STXBP5: variants seen among roughly 807,000 people sequenced by gnomAD.
The protein encoded by STXBP5 is syntaxin-binding protein 5.
In STXBP5, 50 loss-of-function variants were observed where a neutral mutation model predicts 152.4. That is an observed-to-expected ratio of 0.33 (90% CI 0.26 to 0.42). The LOEUF is 0.42. Among genes scored for constraint, STXBP5 ranks in the 10% least tolerant of loss-of-function variants. The pLI, the probability that STXBP5 is intolerant of heterozygous loss-of-function variation, is 1.00. For synonymous variants in STXBP5, 492 were observed against 494.7 expected (o/e 0.99, Z 0.07); for missense variants, 1,167 against 1,388.6 (o/e 0.84, Z 2.54).
chr6:147,231,062 GT>G (rs1777980866), intron 2 of STXBP5, among the ~76,000 whole-genome samples: 1 of 151,586 alleles, frequency 6.6e-6, no homozygotes, highest in South Asian at 2.1e-4. Context: ...AGTGACGCTT[GT>G]TTTGAATTTG....
intron 2 of STXBP5, among the ~76,000 whole-genome samples, chr6:147,228,054 TA>T (rs1263852315): frequency 1.3e-5 from 2 of 152,134 alleles, no homozygotes; most frequent in Non-Finnish European, 2.9e-5. Context: ...CAGTGTTGTT[TA>T]TGTCAACTGT....
At chr6:147,292,757 A>C (rs1470523276) in intron 9 of STXBP5, 2 of 152,340 alleles carry the variant, frequency 1.3e-5, no homozygotes, top group African/African-American at 4.8e-5. Context: ...TTGACTGGCA[A>C]CAAAGGCAGC....
chr6:147,255,154 A>G (rs1294913347), intron 4 of STXBP5, among the ~76,000 whole-genome samples: 1 of 152,236 alleles, frequency 6.6e-6, no homozygotes, highest in Non-Finnish European at 1.5e-5. Flanking sequence ...GGATGAGATC[A>G]TGTCCTTTGC....
At position 147,386,355 on chromosome 6, in the gene STXBP5, T is replaced by C. The variant is rs1049857855; in HGVS notation, c.*1600T>C. The stretch of plus-strand genomic sequence containing the variant: ...ATTCTATATGATCATTAAAGGAATA[T>C]GTAGGACATCTTAACTTTTTCATAC... On this transcript the variant is annotated 3_prime_UTR_variant, in exon 28 of 28. Transcript: ENST00000321680. 2 of 151,858 alleles carry C rather than the reference T, an allele frequency of 1.3e-5. No homozygotes were observed. Among genetic ancestry groups the C allele is most frequent in the Non-Finnish European group, 2.9e-5 (2 of 67,836 alleles). The allele number at this position is 151,858 out of a possible 1,614,324, so 9.4% of individuals were successfully genotyped here.
chr6:147,273,195 T>TAAAAAAA (rs61153710), intron 7 of STXBP5, among the ~76,000 whole-genome samples: 4 of 129,318 alleles, frequency 3.1e-5, no homozygotes, highest in Admixed American at 1.6e-4. Flanking sequence ...TCTAAAAAAG[T>TAAAAAAA]AAAAAAAAAA....
At chr6:147,223,234 C>G (rs865896713) in intron 2 of STXBP5, among the ~76,000 whole-genome samples, 25 of 152,314 alleles carry the variant, frequency 1.6e-4, no homozygotes, top group Middle Eastern at 3.4e-3. Context: ...GTAGGTGCAA[C>G]TATGGAATGG....
chr6:147,356,445 TAAAG>T (rs1485911505), intron 22 of STXBP5, among the ~76,000 whole-genome samples: 2 of 151,780 alleles, frequency 1.3e-5, no homozygotes, highest in Non-Finnish European at 2.9e-5. Flanking sequence ...TTGGAAACCA[TAAAG>T]AGTTAATAAA....
At position 147,382,292 on chromosome 6, in the gene STXBP5, CT is replaced by C. The variant is rs543680252; in HGVS notation, c.3194-485del. Among the ~76,000 whole-genome samples, 170 of 152,208 alleles carry C rather than the reference CT, an allele frequency of 1.1e-3. 2 individuals are homozygous for C. The highest frequency in any genetic ancestry group is 3.9e-3 in the African/African-American group (162 of 41,546). On this transcript the variant is annotated intron_variant, in intron 26 of 27. Coordinates refer to ENST00000321680, the MANE Select transcript of STXBP5 (RefSeq NM_001127715.4). ...TACAATTTTTGGAGACCGAAATAGA[CT>C]ACTGAATAAAATTCTTCATTTATCT...
intron 3 of STXBP5, among the ~76,000 whole-genome samples, chr6:147,237,758 C>G (rs934932597): frequency 4.6e-5 from 7 of 152,082 alleles, no homozygotes; most frequent in Non-Finnish European, 7.4e-5. Flanking sequence ...TAAATCTTGT[C>G]CTGACAGCTG....
At chr6:147,239,987 G>A (rs1318964392) in intron 4 of STXBP5, among the ~76,000 whole-genome samples, 1 of 151,126 alleles carries the variant, frequency 6.6e-6, no homozygotes, top group East Asian at 1.9e-4. Flanking sequence ...CTGTCGCCCA[G>A]GCTGGAGTGC....
At chr6:147,282,282 AT>A (rs1780738551) in intron 8 of STXBP5, among the ~76,000 whole-genome samples, 1 of 152,208 alleles carries the variant, frequency 6.6e-6, no homozygotes, top group Non-Finnish European at 1.5e-5. Flanking sequence ...AAAGATGAGC[AT>A]TTTTCTTCAC....
chr6:147,324,917 G>A (rs752062788), intron 16 of STXBP5, 42 bp from the exon 17 acceptor site: 15 of 1,421,088 alleles, frequency 1.1e-5, no homozygotes, highest in African/African-American at 1.5e-5. Context: ...TAGGCCAATA[G>A]TTGAAAATGG....
intron 7 of STXBP5, among the ~76,000 whole-genome samples, chr6:147,271,559 C>T (rs1019933509): frequency 2.0e-5 from 3 of 151,618 alleles, no homozygotes; most frequent in Non-Finnish European, 4.4e-5. Context: ...ACCCATGAGT[C>T]AAAGAAGAAA....
At chr6:147,282,294 T>G (rs1316535238) in intron 8 of STXBP5, among the ~76,000 whole-genome samples, 1 of 152,214 alleles carries the variant, frequency 6.6e-6, no homozygotes, top group Non-Finnish European at 1.5e-5. Context: ...TTTTCTTCAC[T>G]TTAAGATTCA....
At chr6:147,215,673 C>T (rs371038042) in intron 2 of STXBP5, among the ~76,000 whole-genome samples, 7 of 152,064 alleles carry the variant, frequency 4.6e-5, no homozygotes, top group Admixed American at 1.3e-4. Context: ...TGAGCCACTG[C>T]GCCGAGCCAA....
chr6:147,216,691 T>A (rs1037878306), intron 2 of STXBP5, among the ~76,000 whole-genome samples: 5 of 152,166 alleles, frequency 3.3e-5, no homozygotes, highest in Non-Finnish European at 5.9e-5. Context: ...TATGTAAAAA[T>A]ATATATATGA....
Position 147,204,559 on chromosome 6 carries a change from G to C in STXBP5, c.27G>C (p.Val9=). MRKFNIRK[V]LDGLTAGSSS... is the part of the protein sequence containing the mutation. ...TGAGGAAATTCAACATCAGGAAGGT[G>C]CTGGACGGCCTGACCGCCGGCTCGT... Residue 9 remains valine, a synonymous_variant, in exon 1 of 28, where the codon GTG becomes GTC. Transcript: ENST00000321680. The surrounding 1 kb of genome is among the most constrained non-coding windows in gnomAD (Gnocchi z 4.3). The C allele has an allele frequency of 6.2e-7, 1 of 1,611,740 alleles. No individual in the cohort carries two copies. The highest frequency in any genetic ancestry group is 8.5e-7 in the Non-Finnish European group (1 of 1,179,012).
chr6:147,262,516 A>C (rs2115346821), intron 6 of STXBP5, among the ~76,000 whole-genome samples, 163 bp downstream of exon 6: 1 of 152,160 alleles, frequency 6.6e-6, no homozygotes, highest in Admixed American at 6.5e-5. Flanking sequence ...AACAAATGAA[A>C]GAATTAGAAT....
intron 2 of STXBP5, among the ~76,000 whole-genome samples, chr6:147,228,162 T>C (rs1296012330): frequency 2.0e-5 from 3 of 152,012 alleles, no homozygotes; most frequent in Non-Finnish European, 4.4e-5. Flanking sequence ...TGTGTGTGCA[T>C]GTGTGTGTCT....
Sources: gnomAD v4.1 joint callset for allele counts (sites outside exome capture counted in the v4.1 genomes callset) on GRCh38, gnomAD v4.1.1 for gene constraint, Gnocchi (gnomAD v3.1) non-coding constraint, MANE v1.5 for transcripts, NCBI Gene and HGNC (gene_info 2026-07-23, HGNC 2026-07-21) for gene names.